The following CMSS1 variants were observed in gnomAD, a reference collection of about 807,000 sequenced individuals.
CMSS1 encodes protein CMSS1.
In CMSS1, 33 loss-of-function variants were observed where a neutral mutation model predicts 43.5. The observed-to-expected ratio is 0.76, with a 90% confidence interval of 0.57 to 1.01. The LOEUF (loss-of-function observed/expected upper bound fraction) is 1.01, where lower values mean the gene tolerates loss of function less well. Among genes scored for constraint, CMSS1 ranks in the 50% least tolerant of loss-of-function variants. The probability of loss-of-function intolerance (pLI) is 0.00; values close to 1 mark genes in which losing one functional copy is unlikely to be tolerated. For missense variants in CMSS1, 313 were observed against 326.4 expected, an observed-to-expected ratio of 0.96 and a Z score of 0.32; for synonymous variants, 115 against 117.2, an observed-to-expected ratio of 0.98 and a Z score of 0.12.
chr3:99,975,114 C>A (rs1708931000), intron 1 of CMSS1, among the ~76,000 whole-genome samples: 1 of 152,316 alleles, frequency 6.6e-6, no homozygotes, highest in South Asian at 2.1e-4. Flanking sequence ...CAGTGAAGTA[C>A]CTTTCACCTA....
At chr3:99,928,792 G>A (rs566844395) in intron 1 of CMSS1, among the ~76,000 whole-genome samples, 1 of 152,172 alleles carries the variant, frequency 6.6e-6, no homozygotes, top group Non-Finnish European at 1.5e-5. Context: ...TTGGGAGCCA[G>A]GATACAGTTT....
At chr3:99,884,338 A>T (rs1403622572) in intron 1 of CMSS1, among the ~76,000 whole-genome samples, 1 of 152,220 alleles carries the variant, frequency 6.6e-6, no homozygotes, top group Admixed American at 6.5e-5. Flanking sequence ...CATGGAAAAG[A>T]TCACTTAAAA....
intron 6 of CMSS1, 100 bp downstream of exon 6, chr3:100,167,940 A>G (rs1480796491): frequency 1.4e-6 from 1 of 731,318 alleles, no homozygotes; most frequent in Admixed American, 2.9e-5. Context: ...CAATAAACAA[A>G]ACAGAGTCCC....
chr3:100,168,282 T>A (rs1054802891), intron 6 of CMSS1, among the ~76,000 whole-genome samples: 3 of 152,182 alleles, frequency 2.0e-5, no homozygotes, highest in African/African-American at 7.2e-5. Flanking sequence ...TGAATCATCA[T>A]TTTAAAGGTT....
At chr3:100,056,186 A>G (rs904919326) in intron 1 of CMSS1, among the ~76,000 whole-genome samples, 1 of 152,216 alleles carries the variant, frequency 6.6e-6, no homozygotes, top group Non-Finnish European at 1.5e-5. Flanking sequence ...ATGGTAGGGT[A>G]CCAAATATTA....
At chr3:99,929,522 G>GTGTT (rs1315601190) in intron 1 of CMSS1, among the ~76,000 whole-genome samples, 1 of 150,130 alleles carries the variant, frequency 6.7e-6, no homozygotes, top group Non-Finnish European at 1.5e-5. Context: ...GAGTGTGTGT[G>GTGTT]TGTGTGTGTG....
chr3:100,111,632 A>C (rs1468798521), intron 1 of CMSS1, among the ~76,000 whole-genome samples: 1 of 152,176 alleles, frequency 6.6e-6, no homozygotes, highest in Admixed American at 6.5e-5. Context: ...CCATCAGATT[A>C]AACAGAAAAT....
At chr3:99,970,571 C>A (rs1366083219) in intron 1 of CMSS1, among the ~76,000 whole-genome samples, 3 of 152,230 alleles carry the variant, frequency 2.0e-5, no homozygotes, top group Non-Finnish European at 2.9e-5. Context: ...CATATCCCTG[C>A]TTTCCTTGTA....
At chr3:99,887,700 C>T (rs752610134) in intron 1 of CMSS1, among the ~76,000 whole-genome samples, 1 of 152,162 alleles carries the variant, frequency 6.6e-6, no homozygotes, top group Non-Finnish European at 1.5e-5. Flanking sequence ...TGAAATGGAA[C>T]TGGGAATACC....
At chr3:99,942,839 A>C (rs945450565) in intron 1 of CMSS1, among the ~76,000 whole-genome samples, 3 of 151,932 alleles carry the variant, frequency 2.0e-5, no homozygotes, top group African/African-American at 7.3e-5. Flanking sequence ...AAAAAAAAAA[A>C]CTGAAAAACA....
rs778450769 is a variant in CMSS1 at position 100,147,066 on chromosome 3, G to A, written c.153+5G>A. On this transcript the variant is annotated splice_donor_5th_base_variant and intron_variant, in intron 2 of 9. Coordinates refer to ENST00000421999, the MANE Select transcript of CMSS1 (RefSeq NM_032359.4). ...CCTTCAGAGAAAACCAAACAGGTGAGGGGTCACTGTGGGAGAGCCACCACT... is the reference window on the plus strand; with the variant it reads ...CCTTCAGAGAAAACCAAACAGGTGAAGGGTCACTGTGGGAGAGCCACCACT... 1.9e-6 allele frequency: 3 copies of A among 1,613,532 alleles called. No individual in the cohort carries two copies. The highest frequency in any genetic ancestry group is 2.2e-5 in the South Asian group (2 of 90,976).
In CMSS1 at chr3:100,176,391, G is replaced by C. The variant is rs766593371; in HGVS notation, c.732G>C (p.Leu244Phe). The change falls in exon 9 of 10, where the codon TTG becomes TTC. Residue 244 changes from leucine to phenylalanine, a missense_variant. Coordinates refer to ENST00000421999, the MANE Select transcript of CMSS1 (RefSeq NM_032359.4). ...VFDWNWRDQK[L>F]RRMMDIPEIR... The stretch of plus-strand genomic sequence containing the variant: ...ACTGGAACTGGAGAGATCAGAAGTT[G>C]AGGAGAATGATGGACATTCCCGAGG... 6.2e-7 allele frequency: 1 copy of C among 1,613,388 alleles called. No homozygotes were observed. Among genetic ancestry groups the C allele is most frequent in the Non-Finnish European group, 8.5e-7 (1 of 1,179,384 alleles).
intron 1 of CMSS1, among the ~76,000 whole-genome samples, chr3:100,113,294 G>A (rs1559761722): frequency 6.6e-6 from 1 of 152,212 alleles, no homozygotes; most frequent in Non-Finnish European, 1.5e-5. Flanking sequence ...GAGGAGTACA[G>A]TGAGCAGAAT....
chr3:99,844,091 T>C (rs564761457), intron 1 of CMSS1, among the ~76,000 whole-genome samples: 2 of 152,088 alleles, frequency 1.3e-5, no homozygotes, highest in South Asian at 4.2e-4. Flanking sequence ...CCCTCATGAT[T>C]GTGTGGCTGA....
At chr3:99,825,763 T>C (rs1942524412) in intron 1 of CMSS1, among the ~76,000 whole-genome samples, 1 of 150,890 alleles carries the variant, frequency 6.6e-6, no homozygotes, top group African/African-American at 2.4e-5. Flanking sequence ...CTTTTTTTCT[T>C]TTTTTCTTTT....
intron 1 of CMSS1, among the ~76,000 whole-genome samples, chr3:99,975,106 G>A (rs967048890): frequency 2.0e-5 from 3 of 152,214 alleles, no homozygotes; most frequent in African/African-American, 4.8e-5. Context: ...ATTAAGCCCA[G>A]TGAAGTACCT....
intron 1 of CMSS1, among the ~76,000 whole-genome samples, chr3:99,892,813 T>G (rs1277693148): frequency 1.3e-5 from 2 of 152,236 alleles, no homozygotes; most frequent in Admixed American, 1.3e-4. Flanking sequence ...TATAAATCAA[T>G]CAGATTTTAT....
At chr3:99,881,326 T>C (rs1478287606) in intron 1 of CMSS1, among the ~76,000 whole-genome samples, 1 of 152,190 alleles carries the variant, frequency 6.6e-6, no homozygotes, top group Non-Finnish European at 1.5e-5. Flanking sequence ...TGTGTTTCCT[T>C]GGTAACTAAT....
At chr3:99,887,366 A>C (rs1176858539) in intron 1 of CMSS1, among the ~76,000 whole-genome samples, 2 of 152,216 alleles carry the variant, frequency 1.3e-5, no homozygotes, top group African/African-American at 4.8e-5. Flanking sequence ...CATTCCAGGA[A>C]GGAGAATGGT....
Sources: gnomAD v4.1 joint callset for allele counts (sites outside exome capture counted in the v4.1 genomes callset) on GRCh38, gnomAD v4.1.1 for gene constraint, MANE v1.5 for transcripts, NCBI Gene and HGNC (gene_info 2026-07-23, HGNC 2026-07-21) for gene names.